The following NF2 variants were observed in gnomAD, a reference collection of about 807,000 sequenced individuals.
NF2 encodes the protein NF2, moesin-ezrin-radixin like (MERLIN) tumor suppressor, also known as merlin.
In NF2, 8 loss-of-function variants were observed where a neutral mutation model predicts 83.7. The ratio of observed to expected loss-of-function variants is 0.10; its 90% CI spans 0.06 to 0.17. The LOEUF (loss-of-function observed/expected upper bound fraction) is 0.17. NF2 is among the 10% of genes least tolerant of loss of function. The pLI is 1.00. For missense variants in NF2, 533 were observed against 744.4 expected, an observed-to-expected ratio of 0.72 and a Z score of 3.31; for synonymous variants, 266 against 269.6, an observed-to-expected ratio of 0.99 and a Z score of 0.13.
Position 29,661,386 on chromosome 22 carries a change from T to G in NF2, c.810+47T>G, listed in dbSNP as rs2066473503. 5.6e-6 allele frequency: 9 copies of G among 1,609,932 alleles called. No individual in the cohort carries two copies. In the East Asian group the frequency reaches 2.0e-4, roughly 36 times the overall value. On this transcript the variant is annotated intron_variant, in intron 8 of 15. Transcript: ENST00000338641. ...GATGGGTCCAGCAGATCTTTCCCTG[T>G]CTGCCCCCCTCACTGGAGCCTCCCC...
chr22:29,688,822 G>A (rs993754018), intron 15 of NF2, among the ~76,000 whole-genome samples: 6 of 152,342 alleles, frequency 3.9e-5, no homozygotes, highest in Non-Finnish European at 7.3e-5. Flanking sequence ...TGTGTGGATA[G>A]TGCTCCCACT....
At chr22:29,616,952 G>A (rs1391329372) in intron 1 of NF2, among the ~76,000 whole-genome samples, 3 of 151,418 alleles carry the variant, frequency 2.0e-5, no homozygotes, top group Admixed American at 6.6e-5. Flanking sequence ...TTTTTGAGAC[G>A]GAGTCTCGCT....
chr22:29,670,849 G>A (rs1032920332), intron 10 of NF2, among the ~76,000 whole-genome samples: 2 of 152,130 alleles, frequency 1.3e-5, no homozygotes, highest in Admixed American at 6.5e-5. Context: ...TGTGTTTCCC[G>A]CCTGGCTCCC....
intron 15 of NF2, among the ~76,000 whole-genome samples, chr22:29,689,071 C>G (rs2067337455): frequency 6.6e-6 from 1 of 150,718 alleles, no homozygotes; most frequent in Admixed American, 6.7e-5. Context: ...TCCAGCTACT[C>G]AGGAGGCTGA....
chr22:29,621,949 A>G (rs1263740054), intron 1 of NF2, among the ~76,000 whole-genome samples: 1 of 152,196 alleles, frequency 6.6e-6, no homozygotes, highest in Non-Finnish European at 1.5e-5. Context: ...GTCACCACAT[A>G]GCTTCTAAGT....
intron 7 of NF2, among the ~76,000 whole-genome samples, chr22:29,659,646 G>A (rs1204664353): frequency 6.6e-6 from 1 of 152,086 alleles, no homozygotes; most frequent in Non-Finnish European, 1.5e-5. Context: ...GTTTAAAAGG[G>A]GCTGCTTGAG....
At chr22:29,633,742 T>C (rs2065575851) in intron 1 of NF2, among the ~76,000 whole-genome samples, 1 of 152,144 alleles carries the variant, frequency 6.6e-6, no homozygotes, top group African/African-American at 2.4e-5. Context: ...AGCATGACTT[T>C]TAAAAAAAGA....
rs2067495833 is a variant in NF2 at position 29,694,674 on chromosome 22, T to TC, written c.1738-76dup. On this transcript the variant is annotated intron_variant, in intron 15 of 15. Coordinates refer to ENST00000338641, the MANE Select transcript of NF2 (RefSeq NM_000268.4). This position sits in a 1 kb window ranked among gnomAD's most constrained non-coding sequence, Gnocchi z 4.1. ...CGCTCCCAGCCACCTTTGAGGTGAG[T>TC]CCAAGTGGCAGGACAGGACCCTGTG... The TC allele has an allele frequency of 6.8e-7, 1 of 1,478,642 alleles. No individual in the cohort carries two copies. The highest frequency in any genetic ancestry group is 1.4e-5 in the African/African-American group (1 of 71,906). 91.6% of individuals were successfully genotyped at this position (1,478,642 alleles called of 1,614,324 possible).
rs774123103 is a variant in NF2, at chr22:29,697,885, C to T, written c.*3083C>T. Reference sequence around the variant, plus strand: ...TTGGCCAGACTGCGTCCTTTTTAAGCGAACATTTTAGGGCCTGGGAGTTTG... The same window carrying T: ...TTGGCCAGACTGCGTCCTTTTTAAGTGAACATTTTAGGGCCTGGGAGTTTG... On this transcript the variant is annotated 3_prime_UTR_variant, in exon 16 of 16. Transcript: ENST00000338641. 7.8e-5 allele frequency: 16 copies of T among 206,304 alleles called. No homozygotes were observed. The highest frequency in any genetic ancestry group is 3.2e-4 in the African/African-American group (14 of 43,772). The allele number at this position is 206,304 out of a possible 1,614,324, so 12.8% of individuals were successfully genotyped here.
At position 29,604,013 on chromosome 22, in the gene NF2, C is replaced by T; in HGVS notation, c.15C>T (p.Ile5=). The T allele has an allele frequency of 6.3e-7, 1 of 1,589,366 alleles. No individual in the cohort carries two copies. The highest frequency in any genetic ancestry group is 2.3e-5 in the East Asian group (1 of 43,864). MAGA[I]ASRMSFSSLK... The stretch of plus-strand genomic sequence containing the variant: ...AGCCCCGCGCCATGGCCGGGGCCAT[C>T]GCTTCCCGCATGAGCTTCAGCTCTC... Residue 5 remains isoleucine, a synonymous_variant, in exon 1 of 16, where the codon ATC becomes ATT. Coordinates refer to ENST00000338641, the MANE Select transcript of NF2 (RefSeq NM_000268.4).
chr22:29,659,845 TTA>T (rs1394768202), intron 7 of NF2, among the ~76,000 whole-genome samples: 2 of 152,244 alleles, frequency 1.3e-5, no homozygotes, highest in Non-Finnish European at 2.9e-5. Context: ...CTCACTTCTA[TTA>T]ATGCAGTAGC....
chr22:29,670,962 T>C (rs2066765526), intron 10 of NF2, among the ~76,000 whole-genome samples: 1 of 152,148 alleles, frequency 6.6e-6, no homozygotes, highest in Admixed American at 6.5e-5. Context: ...GTGTGAACTA[T>C]TGATGCATCA....
At chr22:29,638,160 T>C (rs2065698867) in intron 2 of NF2, among the ~76,000 whole-genome samples, 1 of 152,140 alleles carries the variant, frequency 6.6e-6, no homozygotes, top group Non-Finnish European at 1.5e-5. Flanking sequence ...GGTTCAAGCT[T>C]TACAGGGGTG....
intron 4 of NF2, among the ~76,000 whole-genome samples, chr22:29,644,253 C>T (rs1400728776): frequency 2.8e-3 from 420 of 151,114 alleles, no homozygotes; most frequent in Non-Finnish European, 4.2e-3. Context: ...GGGTGGCGGC[C>T]GGGCAGAGGC....
At chr22:29,676,092 G>A (rs2066954339) in intron 13 of NF2, among the ~76,000 whole-genome samples, 1 of 152,166 alleles carries the variant, frequency 6.6e-6, no homozygotes, top group African/African-American at 2.4e-5. Flanking sequence ...TCAGATGGTA[G>A]CTGGGACTGG....
intron 15 of NF2, among the ~76,000 whole-genome samples, chr22:29,686,450 A>T (rs1291331215): frequency 6.6e-6 from 1 of 152,094 alleles, no homozygotes; most frequent in Non-Finnish European, 1.5e-5. Context: ...GACCAGCCTG[A>T]CCAACATGGA....
intron 11 of NF2, among the ~76,000 whole-genome samples, chr22:29,672,943 CA>C (rs972415866): frequency 1.3e-5 from 2 of 152,108 alleles, no homozygotes; most frequent in African/African-American, 4.8e-5. Flanking sequence ...TTGCAGGGGA[CA>C]AAAAACTCCT....
chr22:29,608,059 G>C (rs1324384248), intron 1 of NF2, among the ~76,000 whole-genome samples: 1 of 149,242 alleles, frequency 6.7e-6, no homozygotes, highest in Non-Finnish European at 1.5e-5. Context: ...TGTAGTCCCA[G>C]CTACGCGGGA....
chr22:29,625,041 C>T (rs899667632), intron 1 of NF2, among the ~76,000 whole-genome samples: 2 of 151,636 alleles, frequency 1.3e-5, no homozygotes, highest in African/African-American at 2.4e-5. Context: ...CAGGTTTAAG[C>T]GATTCTCCTT....
Sources: gnomAD v4.1 joint callset for allele counts (sites outside exome capture counted in the v4.1 genomes callset) on GRCh38, gnomAD v4.1.1 for gene constraint, Gnocchi (gnomAD v3.1) non-coding constraint, MANE v1.5 for transcripts, NCBI Gene and HGNC (gene_info 2026-07-23, HGNC 2026-07-21) for gene names.